Variants in PCDH15 observed in about 807,000 individuals in gnomAD.
PCDH15 encodes the protein protocadherin related 15, also known as protocadherin-15.
In PCDH15, 129 loss-of-function variants were observed where a neutral mutation model predicts 178.5. The observed-to-expected ratio is 0.72, with a 90% confidence interval of 0.63 to 0.84. The LOEUF is 0.84. Ranked by LOEUF, PCDH15 falls within the 40% of genes least tolerant of loss-of-function variation. The pLI, the probability that PCDH15 is intolerant of heterozygous loss-of-function variation, is 0.00. For missense variants in PCDH15, 2,230 were observed against 2,099.9 expected (o/e 1.06, Z -1.21); for synonymous variants, 800 against 732.0 (o/e 1.09, Z -1.50).
chr10:55,175,187 G>C (rs564110314), intron 1 of PCDH15, among the ~76,000 whole-genome samples: 1 of 152,178 alleles, frequency 6.6e-6, no homozygotes, highest in South Asian at 2.1e-4. Context: ...GCATAGCGGA[G>C]GGCTTATGAA....
At chr10:54,394,005 AAAGAAAAGACG>A (rs951871188) in intron 3 of PCDH15, among the ~76,000 whole-genome samples, 3 of 152,172 alleles carry the variant, frequency 2.0e-5, no homozygotes, top group Non-Finnish European at 4.4e-5. Flanking sequence ...GAGAAGGGAA[AAAGAAAAGACG>A]AAGAAAAGAA....
At chr10:54,267,558 T>C (rs969424678) in intron 8 of PCDH15, among the ~76,000 whole-genome samples, 3 of 151,476 alleles carry the variant, frequency 2.0e-5, no homozygotes, top group African/African-American at 7.2e-5. Flanking sequence ...CTAAAGTTGA[T>C]TAAAAATTTC....
intron 1 of PCDH15, among the ~76,000 whole-genome samples, chr10:55,291,192 T>C (rs966123033): frequency 2.6e-5 from 4 of 152,172 alleles, no homozygotes; most frequent in Non-Finnish European, 5.9e-5. Flanking sequence ...TCTTAACTCA[T>C]TTCATTAACT....
intron 9 of PCDH15, among the ~76,000 whole-genome samples, chr10:54,231,259 G>C (rs2054032560): frequency 6.6e-6 from 1 of 152,216 alleles, no homozygotes; most frequent in Non-Finnish European, 1.5e-5. Flanking sequence ...ATGGCTACAT[G>C]GCCCCCAGAT....
chr10:53,807,003 T>C lies in PCDH15; in HGVS notation c.4799A>G (p.Asn1600Ser), dbSNP rs1489840614. 6.2e-7 allele frequency: 1 copy of C among 1,613,646 alleles called. No homozygotes were observed. The highest frequency in any genetic ancestry group is 2.2e-5 in the East Asian group (1 of 44,858). ...ATTCTGTGCAATATATATATTGCCG[T>C]TGATATTACTGTGGATACTAGGATG... ...LHHPSIHSNI[N>S]GNIYIAQNGS... Residue 1600 changes from asparagine to serine, a missense_variant, in exon 38 of 38, where the codon AAC becomes AGC. Asn to Ser is a conservative substitution (Grantham distance 46). Transcript: ENST00000644397.
intron 1 of PCDH15, among the ~76,000 whole-genome samples, chr10:55,243,037 T>G (rs945080043): frequency 6.6e-6 from 1 of 152,216 alleles, no homozygotes; most frequent in East Asian, 1.9e-4. Flanking sequence ...TACAGAAAAT[T>G]TTGCTTATAG....
chr10:54,219,113 A>C (rs1054111200), intron 9 of PCDH15, among the ~76,000 whole-genome samples: 9 of 148,900 alleles, frequency 6.0e-5, no homozygotes, highest in Non-Finnish European at 1.0e-4. Flanking sequence ...AAAAACAAAA[A>C]AAAAACAAAA....
chr10:55,103,616 C>G lies in PCDH15; in HGVS notation c.-80+62960G>C, dbSNP rs563717005. Among the ~76,000 whole-genome samples, 58 of 152,224 alleles carry G rather than the reference C, an allele frequency of 3.8e-4. No homozygotes were observed. The South Asian group carries it at 8.3e-3, about 22-fold the overall frequency. On this transcript the variant is annotated intron_variant, in intron 2 of 5. Transcript: ENST00000458638. ...GCTATTTCTATAGCAATGATGGCAT[C>G]TTCAATGGTGTAATCCTTCCTGATT...
At chr10:53,972,269 C>G (rs1038048574) in intron 21 of PCDH15, among the ~76,000 whole-genome samples, 4 of 84,284 alleles carry the variant, frequency 4.7e-5, no homozygotes, top group Admixed American at 3.4e-4. Flanking sequence ...CTTCCTTACA[C>G]CTTATACAAA....
chr10:54,053,035 GAGTT>G (rs1412651032), intron 18 of PCDH15, among the ~76,000 whole-genome samples: 2 of 152,138 alleles, frequency 1.3e-5, no homozygotes, highest in African/African-American at 4.8e-5. Context: ...GTGGAACTGT[GAGTT>G]AATTAAACCT....
intron 3 of PCDH15, among the ~76,000 whole-genome samples, chr10:54,464,563 T>C (rs950409104): frequency 6.6e-6 from 1 of 152,172 alleles, no homozygotes; most frequent in Non-Finnish European, 1.5e-5. Flanking sequence ...TTTGGGGTTA[T>C]TGTCTCCCCT....
intron 2 of PCDH15, among the ~76,000 whole-genome samples, chr10:55,430,540 T>A (rs1838858103): frequency 1.3e-5 from 2 of 152,184 alleles, no homozygotes; most frequent in African/African-American, 2.4e-5. Context: ...TTTAATTTTA[T>A]TCACCCTGGA....
At chr10:54,468,533 TA>T (rs576741129) in intron 3 of PCDH15, among the ~76,000 whole-genome samples, 1 of 152,280 alleles carries the variant, frequency 6.6e-6, no homozygotes, top group East Asian at 1.9e-4. Flanking sequence ...TTTTGATTAT[TA>T]AAAAAATTGA....
At chr10:53,988,159 T>C (rs2091234371) in intron 21 of PCDH15, among the ~76,000 whole-genome samples, 1 of 152,126 alleles carries the variant, frequency 6.6e-6, no homozygotes, top group African/African-American at 2.4e-5. Flanking sequence ...ATACCTATCA[T>C]CTAGGGTCCT....
At chr10:55,329,015 G>T (rs1290821437) in intron 2 of PCDH15, among the ~76,000 whole-genome samples, 1 of 147,486 alleles carries the variant, frequency 6.8e-6, no homozygotes, top group Non-Finnish European at 1.5e-5. Context: ...GTGTGTGTGT[G>T]TGTGTGTGTG....
At chr10:54,307,050 A>G (rs1432596831) in intron 8 of PCDH15, among the ~76,000 whole-genome samples, 6 of 9,014 alleles carry the variant, frequency 6.7e-4, no homozygotes, top group African/African-American at 1.6e-3. Context: ...GTATATATAT[A>G]TATATATATA....
In PCDH15 at chr10:55,363,849, G is replaced by A. The variant is rs1011732705; in HGVS notation, c.-155-197198C>T. ...CACGAGATTTCACTATGTTAGCCAG[G>A]TTGGTCTGGAACTCTGACCTCAAGT... On this transcript the variant is annotated intron_variant, in intron 2 of 5. Transcript: ENST00000613346. Among the ~76,000 whole-genome samples, 6 of 152,128 alleles carry A rather than the reference G, an allele frequency of 3.9e-5. No individual in the cohort carries two copies. In the East Asian group the frequency reaches 1.2e-3, roughly 29 times the overall value.
At chr10:54,613,503 A>T (rs1439729212) in intron 2 of PCDH15, among the ~76,000 whole-genome samples, 4 of 140,880 alleles carry the variant, frequency 2.8e-5, no homozygotes, top group Admixed American at 2.8e-4. Context: ...TCACACACAC[A>T]TACACACACA....
At chr10:54,469,825 C>T (rs1324286466) in intron 3 of PCDH15, among the ~76,000 whole-genome samples, 1 of 152,030 alleles carries the variant, frequency 6.6e-6, no homozygotes, top group African/African-American at 2.4e-5. Context: ...GCCATCTGTA[C>T]TGGTGTTGGT....
Sources: gnomAD v4.1 joint callset for allele counts (sites outside exome capture counted in the v4.1 genomes callset) on GRCh38, gnomAD v4.1.1 for gene constraint, MANE v1.5 for transcripts, NCBI Gene and HGNC (gene_info 2026-07-23, HGNC 2026-07-21) for gene names.